CABIN1: variants seen among roughly 807,000 people sequenced by gnomAD.
The protein encoded by CABIN1 is calcineurin binding protein 1, also known as calcineurin-binding protein cabin-1.
In CABIN1, 133 loss-of-function variants were observed where a neutral mutation model predicts 227.7. That is an observed-to-expected ratio of 0.58 (90% confidence interval 0.51 to 0.67). The LOEUF (loss-of-function observed/expected upper bound fraction) is 0.67, where lower values mean the gene tolerates loss of function less well. Among genes scored for constraint, CABIN1 ranks in the 30% least tolerant of loss-of-function variants. The pLI, the probability that CABIN1 is intolerant of heterozygous loss-of-function variation, is 0.00. For synonymous variants in CABIN1, 1,086 were observed against 1,155.1 expected (o/e 0.94, Z 1.21); for missense variants, 2,408 against 2,852.5 (o/e 0.84, Z 3.55).
Position 24,148,606 on chromosome 22 carries a change from C to A in CABIN1, c.4746+14191C>A, listed in dbSNP as rs957566657. Among the ~76,000 whole-genome samples, 3 of 152,258 alleles carry A rather than the reference C, an allele frequency of 2.0e-5. No homozygotes were observed. In the East Asian group the frequency reaches 5.8e-4, roughly 29 times the overall value. ...CAGAATTTAGTCCTGCTGTGACTTCCTGGTCTTGGCCCCTTTTACCTTAGT... is the reference window on the plus strand; with the variant it reads ...CAGAATTTAGTCCTGCTGTGACTTCATGGTCTTGGCCCCTTTTACCTTAGT... On this transcript the variant is annotated intron_variant, in intron 29 of 36. Transcript: ENST00000263119.
At chr22:24,102,284 G>A (rs1449837601) in intron 26 of CABIN1, 3 of 152,228 alleles carry the variant, frequency 2.0e-5, no homozygotes, top group Non-Finnish European at 4.4e-5. Context: ...CCCTGCTTTG[G>A]GATGTGTTGA....
intron 19 of CABIN1, among the ~76,000 whole-genome samples, chr22:24,079,483 A>T (rs1039469053): frequency 6.6e-6 from 1 of 152,142 alleles, no homozygotes; most frequent in African/African-American, 2.4e-5. Flanking sequence ...TTTTCAGATT[A>T]TTCTCCAAAA....
In CABIN1 at chr22:24,118,541, C is replaced by T. The variant is rs150017601; in HGVS notation, c.4301-826C>T. On this transcript the variant is annotated intron_variant, in intron 27 of 36. Coordinates refer to ENST00000263119, the MANE Select transcript of CABIN1 (RefSeq NM_012295.4). Reference sequence around the variant, plus strand: ...GTGCTGCTGGCTGCTTCTCTGGCCTCCTCCAGGCAGGCTGTGCAGGGCGTG... The same window carrying T: ...GTGCTGCTGGCTGCTTCTCTGGCCTTCTCCAGGCAGGCTGTGCAGGGCGTG... 1.9e-3 allele frequency among the ~76,000 whole-genome samples: 285 copies of T among 152,304 alleles called. 3 individuals are homozygous for T. The highest frequency in any genetic ancestry group is 6.6e-3 in the African/African-American group (273 of 41,562).
intron 19 of CABIN1, among the ~76,000 whole-genome samples, chr22:24,081,414 G>T (rs1301508423): frequency 6.6e-6 from 1 of 152,136 alleles, no homozygotes; most frequent in African/African-American, 2.4e-5. Context: ...AGAGCATAAG[G>T]CTGTTCATGG....
rs564863601 is a variant in CABIN1, at chr22:24,171,859, T to G, written c.5904T>G (p.Pro1968=). 3 of 1,614,100 alleles carry G rather than the reference T, an allele frequency of 1.9e-6. No individual in the cohort carries two copies. The highest frequency in any genetic ancestry group is 1.1e-5 in the South Asian group (1 of 91,090). ...GTGATGCTCACACCAAGCCTCGCCC[T>G]GCACTAGCTGCCGCCACAACTATTA... ...RPSDAHTKPR[P]ALAAATTIIT... The change falls in exon 34 of 37, where the codon CCT becomes CCG. Residue 1968 remains proline (P), a synonymous_variant. Transcript: ENST00000263119.
At chr22:24,012,818 T>C (rs1360976987) in intron 1 of CABIN1, among the ~76,000 whole-genome samples, 1 of 152,148 alleles carries the variant, frequency 6.6e-6, no homozygotes, top group East Asian at 1.9e-4. Flanking sequence ...TGGAGTGCAG[T>C]GGCATGATCT....
intron 27 of CABIN1, 54 bp from the exon 28 acceptor site, chr22:24,119,313 C>T: frequency 6.7e-7 from 1 of 1,488,260 alleles, no homozygotes; most frequent in Non-Finnish European, 9.3e-7. Flanking sequence ...TAGACCACTG[C>T]ATGGACAGGG....
chr22:24,164,922 A>G (rs1244847939), intron 30 of CABIN1, among the ~76,000 whole-genome samples: 2 of 152,156 alleles, frequency 1.3e-5, no homozygotes, highest in Non-Finnish European at 1.5e-5. Context: ...TTCCCCAGAC[A>G]AAGGCCAGTA....
intron 6 of CABIN1, among the ~76,000 whole-genome samples, chr22:24,044,925 CTT>C (rs200969491): frequency 1.9e-4 from 27 of 140,126 alleles, no homozygotes; most frequent in East Asian, 6.2e-4. Flanking sequence ...TCAGAATCAC[CTT>C]TTTTTTTTTT....
At chr22:24,158,131 G>T (rs532823173) in intron 29 of CABIN1, among the ~76,000 whole-genome samples, 4 of 152,204 alleles carry the variant, frequency 2.6e-5, no homozygotes, top group Non-Finnish European at 4.4e-5. Context: ...TCACAGTGTC[G>T]TGTTTTCTGT....
At chr22:24,114,299 G>A (rs2042966754) in intron 27 of CABIN1, among the ~76,000 whole-genome samples, 1 of 152,186 alleles carries the variant, frequency 6.6e-6, no homozygotes, top group African/African-American at 2.4e-5. Context: ...CCACATCTGG[G>A]CTTACTGGGA....
intron 1 of CABIN1, among the ~76,000 whole-genome samples, chr22:24,017,039 C>CTTTTTTT (rs767688741): frequency 8.2e-6 from 1 of 122,196 alleles, no homozygotes; most frequent in African/African-American, 3.1e-5. Flanking sequence ...TACAATTTAT[C>CTTTTTTT]TTTTTTTTTT....
chr22:24,079,309 G>C (rs1396944097), intron 19 of CABIN1, among the ~76,000 whole-genome samples: 1 of 151,542 alleles, frequency 6.6e-6, no homozygotes, highest in Admixed American at 6.6e-5. Context: ...TCCTAATATG[G>C]CATTAAGGTT....
At chr22:24,054,002 T>A (rs2147384291) in intron 8 of CABIN1, among the ~76,000 whole-genome samples, 1 of 152,182 alleles carries the variant, frequency 6.6e-6, no homozygotes, top group South Asian at 2.1e-4. Flanking sequence ...GGACGTTGCA[T>A]CTGGGCAGAA....
Position 24,050,861 on chromosome 22 carries a change from T to C in CABIN1, c.693T>C (p.Ala231=), listed in dbSNP as rs2038274319. The C allele has an allele frequency of 1.2e-6, 2 of 1,614,218 alleles. No individual in the cohort carries two copies. Among genetic ancestry groups the C allele is most frequent in the Non-Finnish European group, 1.7e-6 (2 of 1,180,054 alleles). The stretch of plus-strand genomic sequence containing the variant: ...TTCACGATGTTTCGGTGAGTGCAGC[T>C]GAGACACAGGCGATTGTAGATGAGG... ...MSIHDVSVSA[A]ETQAIVDEAL... is the part of the protein sequence containing the mutation. Residue 231 remains alanine, a synonymous_variant, in exon 8 of 37, where the codon GCT becomes GCC. Coordinates refer to ENST00000263119, the MANE Select transcript of CABIN1 (RefSeq NM_012295.4).
chr22:24,041,670 C>T (rs2037385643), intron 5 of CABIN1, among the ~76,000 whole-genome samples: 1 of 152,186 alleles, frequency 6.6e-6, no homozygotes, highest in African/African-American at 2.4e-5. Flanking sequence ...TGAAACTGAG[C>T]ATTCAATATA....
At chr22:24,051,789 T>C (rs1002154094) in intron 8 of CABIN1, among the ~76,000 whole-genome samples, 3 of 151,914 alleles carry the variant, frequency 2.0e-5, no homozygotes, top group Non-Finnish European at 4.4e-5. Context: ...ATCTCTCTCA[T>C]AGGGTTGTCA....
At chr22:24,143,462 T>A (rs533074386) in intron 29 of CABIN1, among the ~76,000 whole-genome samples, 11 of 152,324 alleles carry the variant, frequency 7.2e-5, no homozygotes, top group African/African-American at 2.6e-4. Context: ...CACCCCCTTT[T>A]GGTGTGGCTC....
chr22:24,041,678 A>T (rs2037386879), intron 5 of CABIN1, among the ~76,000 whole-genome samples: 1 of 152,212 alleles, frequency 6.6e-6, no homozygotes, highest in South Asian at 2.1e-4. Context: ...AGCATTCAAT[A>T]TATTAATACT....
Sources: gnomAD v4.1 joint callset for allele counts (sites outside exome capture counted in the v4.1 genomes callset) on GRCh38, gnomAD v4.1.1 for gene constraint, MANE v1.5 for transcripts, NCBI Gene and HGNC (gene_info 2026-07-23, HGNC 2026-07-21) for gene names.